Variants in PCDHA2 observed in about 807,000 individuals in gnomAD.
PCDHA2 encodes the protein protocadherin alpha-2.
In PCDHA2, 58 loss-of-function variants were observed where a neutral mutation model predicts 66.0. The observed-to-expected ratio is 0.88, with a 90% CI of 0.71 to 1.09. The LOEUF (loss-of-function observed/expected upper bound fraction) is 1.09, where lower values mean the gene tolerates loss of function less well. Ranked by LOEUF, PCDHA2 falls within the 50% of genes least tolerant of loss-of-function variation. The pLI, the probability that PCDHA2 is intolerant of heterozygous loss-of-function variation, is 0.00. For missense variants in PCDHA2, 1,267 were observed against 1,242.3 expected (o/e 1.02, Z -0.30); for synonymous variants, 634 against 554.0 (o/e 1.14, Z -2.03).
chr5:140,987,579 G>A (rs1587244490), intron 3 of PCDHA2, among the ~76,000 whole-genome samples: 1 of 152,280 alleles, frequency 6.6e-6, no homozygotes, highest in East Asian at 1.9e-4. Flanking sequence ...TCTATAAAAT[G>A]GGGAGAATAG....
chr5:140,981,940 T>A (rs2096958372), intron 2 of PCDHA2, among the ~76,000 whole-genome samples: 1 of 152,160 alleles, frequency 6.6e-6, no homozygotes, highest in Non-Finnish European at 1.5e-5. Flanking sequence ...TCAGGAAATA[T>A]AGGGTGGGTC....
intron 1 of PCDHA2, chr5:140,835,640 C>G: frequency 5.6e-6 from 9 of 1,613,888 alleles, no homozygotes; most frequent in South Asian, 1.1e-5. Context: ...AGAGTGTGTC[C>G]GCCTATGAGC....
chr5:140,876,146 C>T, intron 1 of PCDHA2: 1 of 1,613,952 alleles, frequency 6.2e-7, no homozygotes, highest in Non-Finnish European at 8.5e-7. Context: ...CTAACAGGGT[C>T]TGTCCAGATT....
intron 1 of PCDHA2, among the ~76,000 whole-genome samples, chr5:140,892,469 A>G (rs557049666): frequency 1.3e-5 from 2 of 152,302 alleles, no homozygotes; most frequent in South Asian, 4.1e-4. Context: ...ACGGTTATTC[A>G]GTTTCCTAGC....
At chr5:140,823,144 C>T (rs1332340413) in intron 1 of PCDHA2, 2 of 1,614,006 alleles carry the variant, frequency 1.2e-6, no homozygotes, top group Non-Finnish European at 1.7e-6. Context: ...GTTCGCGCAG[C>T]CCCAGTATAC....
chr5:141,009,132 G>GA (rs1172401436), intron 3 of PCDHA2, among the ~76,000 whole-genome samples: 11 of 152,202 alleles, frequency 7.2e-5, no homozygotes, highest in African/African-American at 2.4e-4. Flanking sequence ...GTATCCTGGT[G>GA]AAAAAACCTG....
chr5:140,883,546 C>T (rs782071318), intron 1 of PCDHA2: 3 of 1,614,200 alleles, frequency 1.9e-6, no homozygotes, highest in Non-Finnish European at 1.7e-6. Flanking sequence ...TGGTGGTGAC[C>T]GCGCGGGACG....
chr5:140,898,018 C>G (rs1189161004), intron 1 of PCDHA2, among the ~76,000 whole-genome samples: 1 of 152,062 alleles, frequency 6.6e-6, no homozygotes, highest in African/African-American at 2.4e-5. Flanking sequence ...TATCCTTTGC[C>G]CACTTTTTGA....
At chr5:140,839,704 A>G (rs1229800703) in intron 1 of PCDHA2, among the ~76,000 whole-genome samples, 4 of 152,070 alleles carry the variant, frequency 2.6e-5, no homozygotes, top group Admixed American at 6.6e-5. Context: ...AAATAATGTG[A>G]TGACAAATTT....
chr5:140,897,629 T>A (rs2066228656), intron 1 of PCDHA2, among the ~76,000 whole-genome samples: 1 of 152,116 alleles, frequency 6.6e-6, no homozygotes, highest in Non-Finnish European at 1.5e-5. Context: ...TACTATTGTG[T>A]ATAGTGCCAC....
In PCDHA2 at chr5:141,011,716, A is replaced by G. The variant is rs975588316; in HGVS notation, c.*1779A>G. 6.5e-6 allele frequency: 1 copy of G among 153,764 alleles called. No homozygotes were observed. Among genetic ancestry groups the G allele is most frequent in the African/African-American group, 2.4e-5 (1 of 41,450 alleles). 9.5% of individuals were successfully genotyped at this position (153,764 alleles called of 1,614,324 possible). On this transcript the variant is annotated 3_prime_UTR_variant, in exon 4 of 4. Transcript: ENST00000526136. Reference sequence around the variant, plus strand: ...TTGGAATGAATACTGACAATATTCCATGAGGGTGTGCAAGCACAAATTTTA... The same window carrying G: ...TTGGAATGAATACTGACAATATTCCGTGAGGGTGTGCAAGCACAAATTTTA...
chr5:140,842,452 C>G lies in PCDHA2; in HGVS notation c.2388+45100C>G, dbSNP rs1777963024. The G allele has an allele frequency of 8.1e-6, 13 of 1,613,732 alleles. 1 individual carries two copies. The highest frequency in any genetic ancestry group is 2.7e-5 in the African/African-American group (2 of 74,852). On this transcript the variant is annotated intron_variant, in intron 1 of 3. Transcript: ENST00000526136. The stretch of plus-strand genomic sequence containing the variant: ...TCGCCCTAATTAGCGTGAACGACCT[C>G]GATTCAGGTGCCAACGGGCAGGTGA...
At position 140,796,853 on chromosome 5, in the gene PCDHA2, A is replaced by T. The variant is rs782066641; in HGVS notation, c.1889A>T (p.Glu630Val). ...TTCCGCGTGGGGCTATACACGGGTG[A>T]GATCAGCACGACACGTGCCCTAGAC... is the stretch of plus-strand genomic sequence containing the variant. ...IPFRVGLYTG[E>V]ISTTRALDEA... Residue 630 changes from glutamate to valine, a missense_variant, in exon 1 of 4, where the codon GAG (glutamate) becomes GTG (valine). By Grantham distance (121) the Glu-to-Val change is moderately radical. Coordinates refer to ENST00000526136, the MANE Select transcript of PCDHA2 (RefSeq NM_018905.3). The T allele has an allele frequency of 1.2e-5, 19 of 1,614,066 alleles. No individual in the cohort carries two copies. Among genetic ancestry groups the T allele is most frequent in the Non-Finnish European group, 1.6e-5 (19 of 1,179,982 alleles).
intron 1 of PCDHA2, among the ~76,000 whole-genome samples, chr5:140,893,817 C>G (rs951661016): frequency 6.6e-6 from 1 of 151,980 alleles, no homozygotes; most frequent in Admixed American, 6.6e-5. Flanking sequence ...AGTCTGGTAC[C>G]GTAGACTACT....
intron 1 of PCDHA2, among the ~76,000 whole-genome samples, chr5:140,902,351 A>C (rs1554190404): frequency 1.3e-5 from 2 of 151,346 alleles, no homozygotes; most frequent in African/African-American, 4.9e-5. Context: ...GAAGCCCTTT[A>C]TTTCTTTCTC....
chr5:140,848,776 A>G (rs2150250036), intron 1 of PCDHA2: 1 of 1,593,226 alleles, frequency 6.3e-7, no homozygotes, highest in East Asian at 2.2e-5. Flanking sequence ...GACCGCGAGG[A>G]GCTGTGCGGG....
intron 1 of PCDHA2, chr5:140,827,889 T>C: frequency 1.4e-6 from 1 of 707,002 alleles, no homozygotes; most frequent in South Asian, 1.9e-5. Flanking sequence ...AATTGATTTC[T>C]TACCTTTTGG....
intron 1 of PCDHA2, among the ~76,000 whole-genome samples, chr5:140,818,806 G>T (rs2150102424): frequency 3.3e-5 from 5 of 152,192 alleles, no homozygotes; most frequent in African/African-American, 1.2e-4. Flanking sequence ...CTCCAGCCTC[G>T]GTCAGAGTGA....
chr5:140,876,660 G>A, intron 1 of PCDHA2: 1 of 1,614,216 alleles, frequency 6.2e-7, no homozygotes, highest in Non-Finnish European at 8.5e-7. Flanking sequence ...TTCCCTTCAA[G>A]CTGGTGTCCA....
Sources: allele counts gnomAD v4.1 joint callset (sites outside exome capture counted in the v4.1 genomes callset), GRCh38; gene constraint gnomAD v4.1.1; transcripts MANE v1.5; gene names NCBI Gene and HGNC (gene_info 2026-07-23, HGNC 2026-07-21).